MDH1: variants seen among roughly 807,000 people sequenced by gnomAD.
The protein encoded by MDH1 is malate dehydrogenase, cytoplasmic.
Under a neutral mutation model 38.7 loss-of-function variants are expected in MDH1, and 15 were observed. The observed-to-expected ratio is 0.39, with a 90% CI of 0.26 to 0.60. The LOEUF is 0.60. MDH1 is among the 20% of genes least tolerant of loss of function. The probability of loss-of-function intolerance (pLI) is 0.56; values close to 1 mark genes in which losing one functional copy is unlikely to be tolerated. For missense variants in MDH1, 368 were observed against 405.2 expected (o/e 0.91, Z 0.79); for synonymous variants, 144 against 143.6 (o/e 1.00, Z -0.02).
At chr2:63,595,227 A>T (rs1468874342) in intron 2 of MDH1, among the ~76,000 whole-genome samples, 196 bp from the exon 3 acceptor site, 1 of 152,200 alleles carries the variant, frequency 6.6e-6, no homozygotes, top group African/African-American at 2.4e-5. Context: ...CTGTTAGCAA[A>T]CCAATGCTGG....
At chr2:63,589,534 G>A (rs1198699824) in intron 1 of MDH1, 8 of 772,186 alleles carry the variant, frequency 1.0e-5, no homozygotes, top group Non-Finnish European at 1.7e-5. Flanking sequence ...ATCTGCGTTT[G>A]CAGCAGACGT....
chr2:63,607,053 C>T lies in MDH1; in HGVS notation c.*66C>T. 1.4e-6 allele frequency: 2 copies of T among 1,439,490 alleles called. No individual in the cohort carries two copies. Among genetic ancestry groups the T allele is most frequent in the Non-Finnish European group, 1.9e-6 (2 of 1,058,816 alleles). 89.2% of individuals were successfully genotyped at this position (1,439,490 alleles called of 1,614,324 possible). ...CTAAATGTCGTCTTTGACTCAAGTA[C>T]CAAATAATAATAATGCTATACTTAA... On this transcript the variant is annotated 3_prime_UTR_variant, in exon 9 of 9. Coordinates refer to ENST00000233114, the MANE Select transcript of MDH1 (RefSeq NM_005917.4).
At chr2:63,599,081 A>AC in intron 4 of MDH1, 89 bp from the exon 5 acceptor site, 1 of 1,355,572 alleles carries the variant, frequency 7.4e-7, no homozygotes, top group Non-Finnish European at 1.0e-6. Flanking sequence ...TACAAAGGCT[A>AC]CCTGTTAGAC....
chr2:63,589,977 T>A (rs1218628632), intron 1 of MDH1: 1 of 154,202 alleles, frequency 6.5e-6, no homozygotes, highest in Admixed American at 6.4e-5. Context: ...GAGAAATGTT[T>A]GAATGAATTG....
At chr2:63,597,212 T>C in intron 3 of MDH1, 187 bp from the exon 4 acceptor site, 1 of 884,446 alleles carries the variant, frequency 1.1e-6, no homozygotes, top group Non-Finnish European at 1.4e-6. Flanking sequence ...AATAAATCTA[T>C]TGACATTTCT....
At chr2:63,589,268 G>A in intron 1 of MDH1, 3 of 1,551,440 alleles carry the variant, frequency 1.9e-6, no homozygotes, top group South Asian at 2.4e-5. Flanking sequence ...GAGGACTCTG[G>A]AGAAGTAGTT....
intron 1 of MDH1, chr2:63,593,765 T>C (rs1709248258): frequency 2.2e-6 from 1 of 449,732 alleles, no homozygotes. Flanking sequence ...TTCTTTTTAA[T>C]AGATATATTT....
In MDH1 at chr2:63,595,438, C is replaced by A. The variant is rs1709290399; in HGVS notation, c.118C>A (p.Leu40Met). The change falls in exon 3 of 9, where the codon CTG becomes ATG. Residue 40 changes from leucine (L) to methionine (M), a missense_variant. Leu to Met is a conservative substitution (Grantham distance 15). Coordinates refer to ENST00000233114, the MANE Select transcript of MDH1 (RefSeq NM_005917.4). ...TATTTGGTAGCCTATAATTCTTGTG[C>A]TGTTGGATATCACCCCCATGATGGG... ...FGKDQPIILV[L>M]LDITPMMGVL... 3 of 1,608,786 alleles carry A rather than the reference C, an allele frequency of 1.9e-6. No homozygotes were observed. The highest frequency in any genetic ancestry group is 2.6e-6 in the Non-Finnish European group (3 of 1,175,278).
intron 1 of MDH1, among the ~76,000 whole-genome samples, chr2:63,593,866 G>A (rs200466667): frequency 1.3e-5 from 2 of 151,886 alleles, no homozygotes; most frequent in Non-Finnish European, 1.5e-5. Flanking sequence ...TCTGTATTTT[G>A]TTCAGGAACT....
In MDH1 at chr2:63,594,490, T is replaced by G; in HGVS notation, c.6T>G (p.Ser2=). 6.2e-7 allele frequency: 1 copy of G among 1,612,138 alleles called. No homozygotes were observed. Among genetic ancestry groups the G allele is most frequent in the South Asian group, 1.1e-5 (1 of 91,038 alleles). The part of the protein sequence containing the change: M[S]EPIRVLVTGA... The stretch of plus-strand genomic sequence containing the variant: ...TTAATGGGTCTTTTTCATTACAGTC[T>G]GAACCAATCAGAGTCCTTGTGACTG... Residue 2 remains serine (S), a splice_region_variant and synonymous_variant, in exon 2 of 9, where the codon TCT becomes TCG. Transcript: ENST00000233114.
chr2:63,591,150 G>A (rs1298606755), intron 1 of MDH1, among the ~76,000 whole-genome samples: 4 of 152,242 alleles, frequency 2.6e-5, no homozygotes, highest in Non-Finnish European at 5.9e-5. Flanking sequence ...CCTGCTAAGA[G>A]CAAAGACGTT....
Position 63,588,965 on chromosome 2 carries a change from G to A in MDH1, c.-79G>A, listed in dbSNP as rs1709077839. 2.5e-6 allele frequency: 4 copies of A among 1,606,296 alleles called. No individual in the cohort carries two copies. Among genetic ancestry groups the A allele is most frequent in the East Asian group, 2.2e-5 (1 of 44,844 alleles). ...CGCTAACACCGCTCGCCCTCTCCGA[G>A]TCAGTTCCGCGGTAGAGGTGACCTG... On this transcript the variant is annotated 5_prime_UTR_variant, in exon 1 of 9. Transcript: ENST00000233114.
At chr2:63,594,612 A>G (rs1268447476) in intron 2 of MDH1, 26 bp downstream of exon 2, 2 of 1,472,548 alleles carry the variant, frequency 1.4e-6, no homozygotes, top group African/African-American at 2.8e-5. Context: ...TATAAATCTT[A>G]AGTTATTAGA....
chr2:63,597,957 G>A (rs1043041154), intron 4 of MDH1: 1 of 153,782 alleles, frequency 6.5e-6, no homozygotes, highest in African/African-American at 2.4e-5. Flanking sequence ...CTCAGGAATA[G>A]AAGATAGTGG....
intron 5 of MDH1, 72 bp from the exon 6 acceptor site, chr2:63,604,624 T>C: frequency 8.3e-7 from 1 of 1,203,364 alleles, no homozygotes; most frequent in Non-Finnish European, 1.2e-6. Flanking sequence ...TTAAGGGCAT[T>C]TGTCAAAACA....
Position 63,606,977 on chromosome 2 carries a change from C to T in MDH1, c.995C>T (p.Ser332Phe), listed in dbSNP as rs142463350. Residue 332 changes from serine (S) to phenylalanine (F), a missense_variant, in exon 9 of 9, where the codon TCC becomes TTC. Transcript: ENST00000233114. ...AAAGAAAGTGCTTTTGAATTTCTTT[C>T]CTCTGCCTGACTAGACAATGATGTT... ...EEKESAFEFL[S>F]SA 489 of 1,611,236 alleles carry T rather than the reference C, an allele frequency of 3.0e-4. 4 individuals are homozygous for T. In the East Asian group the frequency reaches 8.6e-3, roughly 28 times the overall value.
At chr2:63,601,007 A>C (rs1255523996) in intron 5 of MDH1, among the ~76,000 whole-genome samples, 1 of 152,218 alleles carries the variant, frequency 6.6e-6, no homozygotes, top group African/African-American at 2.4e-5. Context: ...AAGGTACTTC[A>C]AAGAGATACT....
At chr2:63,589,220 G>T in intron 1 of MDH1, 174 bp downstream of exon 1, 1 of 1,570,742 alleles carries the variant, frequency 6.4e-7, no homozygotes, top group Non-Finnish European at 8.6e-7. Context: ...AATGGGAAGG[G>T]ATTGATTTCC....
At chr2:63,599,665 T>G (rs1186837490) in intron 5 of MDH1, 1 of 153,030 alleles carries the variant, frequency 6.5e-6, no homozygotes, top group East Asian at 1.9e-4. Flanking sequence ...GACTTGAGCT[T>G]TGTGTGATTG....
Sources: gnomAD v4.1 joint callset for allele counts (sites outside exome capture counted in the v4.1 genomes callset) on GRCh38, gnomAD v4.1.1 for gene constraint, MANE v1.5 for transcripts, NCBI Gene and HGNC (gene_info 2026-07-23, HGNC 2026-07-21) for gene names.